MAGI3: variants seen among roughly 807,000 people sequenced by gnomAD.
The protein encoded by MAGI3 is membrane-associated guanylate kinase, WW and PDZ domain-containing protein 3.
Under a neutral mutation model 121.8 loss-of-function variants are expected in MAGI3, and 43 were observed. The observed-to-expected ratio is 0.35, with a 90% CI of 0.28 to 0.46. The LOEUF (loss-of-function observed/expected upper bound fraction) is 0.46, where lower values mean the gene tolerates loss of function less well. MAGI3 is among the 20% of genes least tolerant of loss of function. MAGI3 has a pLI of 1.00. For missense variants in MAGI3, 1,547 were observed against 1,797.3 expected (o/e 0.86, Z 2.52); for synonymous variants, 553 against 639.3 (o/e 0.86, Z 2.04).
At position 113,676,510 on chromosome 1, in the gene MAGI3, A is replaced by G. The variant is rs1647874354; in HGVS notation, c.3189+3045A>G. Among the ~76,000 whole-genome samples the G allele has an allele frequency of 2.0e-5, 3 of 152,218 alleles. No homozygotes were observed. In the South Asian group the frequency reaches 6.2e-4, roughly 31 times the overall value. On this transcript the variant is annotated intron_variant, in intron 19 of 20. Transcript: ENST00000307546. The stretch of plus-strand genomic sequence containing the variant: ...ACTCTGAAAACAAAAGCAAATGAGC[A>G]ATTAACTGTTAGACCCCAGTGTGCT...
intron 1 of MAGI3, among the ~76,000 whole-genome samples, chr1:113,532,469 TAA>T (rs1363267485): frequency 3.3e-5 from 5 of 152,228 alleles, no homozygotes; most frequent in Non-Finnish European, 7.4e-5. Flanking sequence ...GACAAAAGTG[TAA>T]AGACAGAGCA....
chr1:113,609,076 C>T (rs1197705034), intron 6 of MAGI3, among the ~76,000 whole-genome samples: 3 of 152,128 alleles, frequency 2.0e-5, no homozygotes, highest in Admixed American at 1.3e-4. Flanking sequence ...TACTTATCTT[C>T]GGGGGAGCCT....
intron 10 of MAGI3, among the ~76,000 whole-genome samples, chr1:113,643,209 G>T (rs1652647346): frequency 6.6e-6 from 1 of 152,198 alleles, no homozygotes; most frequent in South Asian, 2.1e-4. Flanking sequence ...ACTTATAAGT[G>T]ACTAGTATCT....
rs571783097 is a variant in MAGI3 at position 113,547,061 on chromosome 1, C to G, written c.317-2454C>G. On this transcript the variant is annotated intron_variant, in intron 1 of 20. Coordinates refer to ENST00000307546, the MANE Select transcript of MAGI3 (RefSeq NM_001142782.2). ...TTGTGCCACTGCACTCCAACCTGGG[C>G]GACAGAGTGAGACTCCATCTAAAAA... Among the ~76,000 whole-genome samples, 621 of 143,014 alleles carry G rather than the reference C, an allele frequency of 4.3e-3. 4 individuals carry two copies. Among genetic ancestry groups the G allele is most frequent in the African/African-American group, 0.015 (594 of 38,820 alleles). 93.8% of individuals were successfully genotyped at this position (143,014 alleles called of 152,430 possible). A position where few individuals can be genotyped will look rare whatever the true frequency, so the allele number is the denominator to read the frequency against.
intron 3 of MAGI3, among the ~76,000 whole-genome samples, chr1:113,583,878 A>C (rs559446475): frequency 6.6e-6 from 1 of 152,336 alleles, no homozygotes; most frequent in African/African-American, 2.4e-5. Flanking sequence ...ATGTCATTGA[A>C]AAGTTTTTTA....
At chr1:113,426,816 T>A (rs1332779190) in intron 1 of MAGI3, among the ~76,000 whole-genome samples, 1 of 152,142 alleles carries the variant, frequency 6.6e-6, no homozygotes, top group Non-Finnish European at 1.5e-5. Flanking sequence ...TATAGTTTGT[T>A]CATCTTTTTT....
At chr1:113,452,834 A>C (rs1654551395) in intron 1 of MAGI3, among the ~76,000 whole-genome samples, 1 of 152,170 alleles carries the variant, frequency 6.6e-6, no homozygotes, top group Non-Finnish European at 1.5e-5. Context: ...CAAGATTAGA[A>C]AGACTCAGTG....
In MAGI3 at chr1:113,488,675, G is replaced by A. The variant is rs181426869; in HGVS notation, c.317-60840G>A. Among the ~76,000 whole-genome samples the A allele has an allele frequency of 2.7e-3, 406 of 152,288 alleles. 6 individuals carry two copies. Among genetic ancestry groups the A allele is most frequent in the Admixed American group, 0.025 (378 of 15,294 alleles). On this transcript the variant is annotated intron_variant, in intron 1 of 20. Transcript: ENST00000307546. ...GCTTTCCTTTGCCACACCAGTGTGA[G>A]GGAGTGCAGTCCGACCCCCTCCACC...
At chr1:113,462,800 CTAT>C (rs1040365367) in intron 1 of MAGI3, among the ~76,000 whole-genome samples, 7 of 152,020 alleles carry the variant, frequency 4.6e-5, no homozygotes, top group African/African-American at 9.7e-5. Context: ...TTAGGCAATT[CTAT>C]TATTCTTACA....
intron 3 of MAGI3, chr1:113,581,216 C>G (rs1421633890): frequency 3.9e-5 from 6 of 152,188 alleles, no homozygotes; most frequent in Admixed American, 3.9e-4. Context: ...ACATACCCTT[C>G]CCTGGCAAGC....
At chr1:113,648,675 C>T (rs1277968330) in intron 12 of MAGI3, among the ~76,000 whole-genome samples, 1 of 151,968 alleles carries the variant, frequency 6.6e-6, no homozygotes, top group Non-Finnish European at 1.5e-5. Context: ...AGTTTTCCCA[C>T]CTAGAAAATG....
intron 2 of MAGI3, among the ~76,000 whole-genome samples, chr1:113,571,971 C>G (rs974596118): frequency 2.6e-5 from 4 of 152,120 alleles, no homozygotes; most frequent in Admixed American, 2.6e-4. Flanking sequence ...TTTCTTGTGC[C>G]AGTTTTCAAA....
intron 1 of MAGI3, among the ~76,000 whole-genome samples, chr1:113,470,307 A>G (rs777605309): frequency 3.3e-5 from 5 of 151,964 alleles, no homozygotes; most frequent in Admixed American, 6.6e-5. Flanking sequence ...AAGGTGTTGC[A>G]TGTCTGCAGA....
intron 2 of MAGI3, among the ~76,000 whole-genome samples, chr1:113,570,096 G>A (rs571432681): frequency 1.8e-4 from 27 of 152,158 alleles, no homozygotes; most frequent in African/African-American, 6.3e-4. Context: ...CTGTGTCCAT[G>A]TGTTCTCATT....
intron 9 of MAGI3, among the ~76,000 whole-genome samples, chr1:113,635,886 TATTGCCACAATTTC>T (rs1471158143): frequency 1.3e-5 from 2 of 152,064 alleles, no homozygotes; most frequent in African/African-American, 4.8e-5. Context: ...AGCTATTGAT[TATTGCCACAATTTC>T]AGAGCCTGTT....
chr1:113,682,442 GA>G, intron 20 of MAGI3: 1 of 1,378,514 alleles, frequency 7.3e-7, no homozygotes, highest in East Asian at 2.7e-5. Flanking sequence ...TAATGCAAGA[GA>G]ATTATTACAA....
intron 1 of MAGI3, among the ~76,000 whole-genome samples, chr1:113,395,224 A>T (rs1202190633): frequency 1.3e-5 from 2 of 150,786 alleles, no homozygotes; most frequent in Admixed American, 1.3e-4. Flanking sequence ...CAGGCTTACA[A>T]TACATTTCTT....
At chr1:113,466,992 G>T (rs1459026949) in intron 1 of MAGI3, among the ~76,000 whole-genome samples, 1 of 151,742 alleles carries the variant, frequency 6.6e-6, no homozygotes, top group Non-Finnish European at 1.5e-5. Flanking sequence ...TTTTGGGTTT[G>T]ATTTCTTTTT....
chr1:113,469,096 G>A (rs1266156877), intron 1 of MAGI3, among the ~76,000 whole-genome samples: 1 of 152,136 alleles, frequency 6.6e-6, no homozygotes, highest in African/African-American at 2.4e-5. Flanking sequence ...GAATACAAGA[G>A]TAATAGCACT....
Sources: allele counts gnomAD v4.1 joint callset (sites outside exome capture counted in the v4.1 genomes callset), GRCh38; gene constraint gnomAD v4.1.1; transcripts MANE v1.5; gene names NCBI Gene and HGNC (gene_info 2026-07-23, HGNC 2026-07-21).